The following B3GALT1 variants were observed in gnomAD, a reference collection of about 807,000 sequenced individuals.
B3GALT1 encodes beta-1,3-galactosyltransferase 1.
Under a neutral mutation model 23.2 loss-of-function variants are expected in B3GALT1, and 10 were observed. The observed-to-expected ratio is 0.43, with a 90% confidence interval of 0.27 to 0.73. The LOEUF is 0.73. Among genes scored for constraint, B3GALT1 ranks in the 30% least tolerant of loss-of-function variants. B3GALT1 has a pLI of 0.21. For missense variants in B3GALT1, 299 were observed against 405.4 expected, an observed-to-expected ratio of 0.74 and a Z score of 2.25; for synonymous variants, 156 against 141.5, an observed-to-expected ratio of 1.10 and a Z score of -0.73.
At position 167,763,962 on chromosome 2, in the gene B3GALT1, A is replaced by G. The variant is rs144886991; in HGVS notation, c.-351-54710A>G. Among the ~76,000 whole-genome samples the G allele has an allele frequency of 1.5e-3, 234 of 152,296 alleles. 1 individual carries two copies. The highest frequency in any genetic ancestry group is 5.3e-3 in the African/African-American group (219 of 41,568). On this transcript the variant is annotated intron_variant, in intron 3 of 4. Transcript: ENST00000392690. ...CCTAGAGGCATTTACCTGGAAGTAT[A>G]GTTGATGCTTTTGGAAATGAAATCA...
chr2:167,411,116 A>G (rs1400941068), intron 1 of B3GALT1, among the ~76,000 whole-genome samples: 14 of 152,038 alleles, frequency 9.2e-5, no homozygotes, highest in Non-Finnish European at 1.9e-4. Context: ...GAAACATTCC[A>G]GAACATTGGT....
At chr2:167,822,217 C>T (rs1207276759) in intron 4 of B3GALT1, among the ~76,000 whole-genome samples, 1 of 152,192 alleles carries the variant, frequency 6.6e-6, no homozygotes, top group Non-Finnish European at 1.5e-5. Context: ...AAAAATCCTG[C>T]ATTACCAAAA....
intron 3 of B3GALT1, among the ~76,000 whole-genome samples, chr2:167,754,378 A>C (rs1687783337): frequency 6.6e-6 from 1 of 152,156 alleles, no homozygotes; most frequent in Non-Finnish European, 1.5e-5. Context: ...ACCATTTCCC[A>C]CTACCGTATC....
intron 4 of B3GALT1, among the ~76,000 whole-genome samples, chr2:167,837,640 T>C (rs1432451434): frequency 1.3e-5 from 2 of 149,904 alleles, no homozygotes; most frequent in Non-Finnish European, 3.0e-5. Flanking sequence ...TCAACAAGGA[T>C]ACCCAGGAAT....
At chr2:167,439,601 T>C (rs890364443) in intron 1 of B3GALT1, among the ~76,000 whole-genome samples, 1 of 152,148 alleles carries the variant, frequency 6.6e-6, no homozygotes, top group African/African-American at 2.4e-5. Context: ...ATGTGCACAA[T>C]GTGCAGGTTA....
chr2:167,637,768 G>T (rs1028010553), intron 2 of B3GALT1, among the ~76,000 whole-genome samples: 2 of 151,298 alleles, frequency 1.3e-5, no homozygotes, highest in Non-Finnish European at 2.9e-5. Context: ...GTCTTTTTGG[G>T]CCTGGCTTAT....
chr2:167,640,330 G>T (rs1241672569), intron 2 of B3GALT1, among the ~76,000 whole-genome samples: 1 of 152,010 alleles, frequency 6.6e-6, no homozygotes, highest in East Asian at 1.9e-4. Context: ...CCATGCAATG[G>T]AGTTTTCCTT....
At chr2:167,607,251 A>G (rs76228096) in intron 2 of B3GALT1, among the ~76,000 whole-genome samples, 1 of 152,358 alleles carries the variant, frequency 6.6e-6, no homozygotes, top group East Asian at 1.9e-4. Context: ...TGAGTCCTAC[A>G]TTCTTAGAAA....
At chr2:167,419,374 T>C (rs1037064619) in intron 1 of B3GALT1, among the ~76,000 whole-genome samples, 1 of 152,204 alleles carries the variant, frequency 6.6e-6, no homozygotes, top group African/African-American at 2.4e-5. Context: ...TTCCCAAGAA[T>C]GATTGGCATT....
intron 4 of B3GALT1, chr2:167,862,663 A>G (rs1365022314): frequency 6.6e-6 from 1 of 152,286 alleles, no homozygotes; most frequent in Non-Finnish European, 1.5e-5. Context: ...TGGCACCCCA[A>G]ACAATGCACA....
intron 1 of B3GALT1, among the ~76,000 whole-genome samples, chr2:167,338,253 T>C (rs949686261): frequency 5.1e-4 from 78 of 152,314 alleles, no homozygotes; most frequent in African/African-American, 1.8e-3. Flanking sequence ...TTTAGTCATC[T>C]TAGTTTTTGG....
intron 2 of B3GALT1, among the ~76,000 whole-genome samples, chr2:167,563,270 GGC>G (rs1684055194): frequency 7.5e-5 from 11 of 146,488 alleles, no homozygotes; most frequent in African/African-American, 1.9e-4. Flanking sequence ...CGGCTGGCCG[GGC>G]AGAGGGGCTC....
intron 1 of B3GALT1, among the ~76,000 whole-genome samples, chr2:167,435,956 C>T (rs202056858): frequency 2.9e-5 from 2 of 69,490 alleles, no homozygotes; most frequent in Non-Finnish European, 4.6e-5. Flanking sequence ...CACACACAAA[C>T]ACACACACAC....
chr2:167,485,008 G>C (rs1452666725), intron 1 of B3GALT1, among the ~76,000 whole-genome samples: 1 of 152,044 alleles, frequency 6.6e-6, no homozygotes, highest in African/African-American at 2.4e-5. Flanking sequence ...CTCTGTTTCA[G>C]TGCTAATGCT....
chr2:167,447,210 C>G (rs558124768), intron 1 of B3GALT1, among the ~76,000 whole-genome samples: 1 of 152,176 alleles, frequency 6.6e-6, no homozygotes, highest in Non-Finnish European at 1.5e-5. Flanking sequence ...GCTGCCTGAT[C>G]GTTCCTCTGG....
intron 1 of B3GALT1, among the ~76,000 whole-genome samples, chr2:167,326,939 C>T (rs1210281840): frequency 6.6e-6 from 1 of 152,222 alleles, no homozygotes; most frequent in East Asian, 1.9e-4. Flanking sequence ...ATCCTCCTGC[C>T]TCAGCCTCCC....
chr2:167,796,829 A>G (rs1246105385), intron 3 of B3GALT1, among the ~76,000 whole-genome samples: 1 of 152,242 alleles, frequency 6.6e-6, no homozygotes, highest in African/African-American at 2.4e-5. Context: ...TTTTAAAAAT[A>G]TTGAAGAATA....
At chr2:167,357,880 T>C (rs1697439539) in intron 1 of B3GALT1, among the ~76,000 whole-genome samples, 1 of 152,206 alleles carries the variant, frequency 6.6e-6, no homozygotes, top group South Asian at 2.1e-4. Context: ...AACATTTGAA[T>C]TCAGGATTAA....
chr2:167,870,006 C>T lies in B3GALT1; in HGVS notation c.967C>T (p.His323Tyr), dbSNP rs1248765105. Reference protein sequence around the residue: ...RIWNDMSSKKHLRC With the variant: ...RIWNDMSSKKYLRC ...CTGGAATGACATGTCAAGCAAGAAA[C>T]ATCTCAGATGTTAGGATTTTTACCA... The change falls in exon 5 of 5, where the codon CAT (histidine) becomes TAT (tyrosine). Residue 323 changes from histidine to tyrosine, a missense_variant. By Grantham distance (83) the His-to-Tyr change is moderately conservative. Coordinates refer to ENST00000392690, the MANE Select transcript of B3GALT1 (RefSeq NM_020981.4). 1 of 1,601,940 alleles carries T rather than the reference C, an allele frequency of 6.2e-7. No individual in the cohort carries two copies. The highest frequency in any genetic ancestry group is 1.7e-5 in the Admixed American group (1 of 59,502).
Sources: allele counts gnomAD v4.1 joint callset (sites outside exome capture counted in the v4.1 genomes callset), GRCh38; gene constraint gnomAD v4.1.1; transcripts MANE v1.5; gene names NCBI Gene and HGNC (gene_info 2026-07-23, HGNC 2026-07-21).